Variants in BCL2L13 observed in about 807,000 individuals in gnomAD.
BCL2L13 encodes bcl-2-like protein 13.
Under a neutral mutation model 25.8 loss-of-function variants are expected in BCL2L13, and 13 were observed. That is an observed-to-expected ratio of 0.50 (90% CI 0.33 to 0.80). BCL2L13 has a LOEUF of 0.80. Ranked by LOEUF, BCL2L13 falls within the 30% of genes least tolerant of loss-of-function variation. BCL2L13 has a pLI of 0.02. For synonymous variants in BCL2L13, 244 were observed against 230.3 expected, an observed-to-expected ratio of 1.06 and a Z score of -0.54; for missense variants, 504 against 574.9, an observed-to-expected ratio of 0.88 and a Z score of 1.26.
In BCL2L13 at chr22:17,727,534, G is replaced by C; in HGVS notation, c.1458G>C (p.Ter486TyrextTer21). Residue 486 changes from the stop codon to tyrosine, a stop_lost, in exon 7 of 7, where the codon TAG becomes TAC. Coordinates refer to ENST00000317582, the MANE Select transcript of BCL2L13 (RefSeq NM_015367.4). Reference sequence around the variant, plus strand: ...TAGCCCTGGCTCTGAGAAAGAAATAGGAGGCTTTTCAGAAGAGAAAGACAG... The same window carrying C: ...TAGCCCTGGCTCTGAGAAAGAAATACGAGGCTTTTCAGAAGAGAAAGACAG... ...IGVALALRKK[*>Y] is the part of the protein sequence containing the mutation. The C allele has an allele frequency of 6.2e-7, 1 of 1,613,532 alleles. No individual in the cohort carries two copies. The highest frequency in any genetic ancestry group is 8.5e-7 in the Non-Finnish European group (1 of 1,179,586).
At chr22:17,687,064 G>A (rs1399499724) in intron 3 of BCL2L13, among the ~76,000 whole-genome samples, 1 of 152,106 alleles carries the variant, frequency 6.6e-6, no homozygotes, top group Non-Finnish European at 1.5e-5. Context: ...TCGGAGGCAA[G>A]CACTTTATAA....
chr22:17,710,895 A>T (rs975801647), intron 6 of BCL2L13, among the ~76,000 whole-genome samples: 2 of 152,078 alleles, frequency 1.3e-5, no homozygotes, highest in African/African-American at 2.4e-5. Context: ...TAAAAATAAA[A>T]AAAAATAAAT....
chr22:17,664,376 G>A (rs1181763592), intron 2 of BCL2L13, among the ~76,000 whole-genome samples: 1 of 151,768 alleles, frequency 6.6e-6, no homozygotes, highest in Non-Finnish European at 1.5e-5. Flanking sequence ...CCATGGCCTT[G>A]GAGAGCTCCA....
chr22:17,668,861 A>G (rs1289716967), intron 2 of BCL2L13, among the ~76,000 whole-genome samples: 2 of 152,240 alleles, frequency 1.3e-5, no homozygotes, highest in East Asian at 3.9e-4. Flanking sequence ...CCTCAAATTC[A>G]TATTGTAACT....
At chr22:17,641,960 C>T (rs900488036) in intron 1 of BCL2L13, among the ~76,000 whole-genome samples, 127 of 151,590 alleles carry the variant, frequency 8.4e-4, no homozygotes, top group African/African-American at 2.7e-3. Flanking sequence ...CCACCACGCC[C>T]GGCTGATTTT....
chr22:17,704,296 G>C (rs2060526248), intron 6 of BCL2L13, among the ~76,000 whole-genome samples: 1 of 151,950 alleles, frequency 6.6e-6, no homozygotes, highest in Admixed American at 6.6e-5. Context: ...ATGTTGGCAG[G>C]CTGGTCTCAA....
intron 1 of BCL2L13, among the ~76,000 whole-genome samples, chr22:17,644,484 A>T (rs1741082752): frequency 6.7e-6 from 1 of 150,302 alleles, no homozygotes; most frequent in Admixed American, 6.6e-5. Context: ...AGTGCGTGCC[A>T]CCACGCCCAG....
chr22:17,715,295 C>CCT, intron 6 of BCL2L13, among the ~76,000 whole-genome samples: 1 of 146,022 alleles, frequency 6.8e-6, no homozygotes, highest in Non-Finnish European at 1.5e-5. Context: ...AATCCTCCTA[C>CCT]CTCAGCCTCC....
chr22:17,709,797 G>A (rs1048429704), intron 6 of BCL2L13, among the ~76,000 whole-genome samples: 3 of 151,890 alleles, frequency 2.0e-5, no homozygotes, highest in Non-Finnish European at 2.9e-5. Context: ...AACATTGACC[G>A]GGTGCAGTGG....
rs34181282 is a variant in BCL2L13, at chr22:17,630,586, C to CTT, written c.-650+1584_-650+1585dup. 4.0e-4 allele frequency among the ~76,000 whole-genome samples: 50 copies of CTT among 126,248 alleles called. 1 individual carries two copies. The highest frequency in any genetic ancestry group is 1.0e-3 in the African/African-American group (29 of 28,204). 82.8% of individuals were successfully genotyped at this position (126,248 alleles called of 152,430 possible). On this transcript the variant is annotated intron_variant, in intron 1 of 6. Coordinates refer to the BCL2L13 transcript ENST00000399782. ...AGCCACTGCACCCGGCCTTCTTTTT[C>CTT]TTTTCTTTTTTTTTTTTTTTTTGAG...
chr22:17,705,063 A>T (rs1489790366), intron 6 of BCL2L13, among the ~76,000 whole-genome samples: 1 of 151,714 alleles, frequency 6.6e-6, no homozygotes, highest in Non-Finnish European at 1.5e-5. Flanking sequence ...TAAATCTGGA[A>T]ATTTGATAGA....
chr22:17,717,379 T>TAAAAAAAAAAAAAAAAAAAAAAAA (rs1442846616), intron 6 of BCL2L13, among the ~76,000 whole-genome samples: 1 of 71,156 alleles, frequency 1.4e-5, no homozygotes, highest in Non-Finnish European at 3.2e-5. Flanking sequence ...AGACTCTGTC[T>TAAAAAAAAAAAAAAAAAAAAAAAA]CAAAAAAGAT....
intron 2 of BCL2L13, among the ~76,000 whole-genome samples, chr22:17,667,143 A>G (rs1362793793): frequency 1.3e-5 from 2 of 152,008 alleles, no homozygotes; most frequent in East Asian, 1.9e-4. Flanking sequence ...TTTTTTGGGT[A>G]TATACCTAGC....
In BCL2L13 at chr22:17,631,670, GTATATATATATATATA is replaced by G. The variant is rs1181793721; in HGVS notation, c.-650+2687_-650+2702del. On this transcript the variant is annotated intron_variant, in intron 1 of 6. Transcript: ENST00000399782. ...CGTGTGTGTATGTATGTGTGTGTGTGTATATATATATATATATATATATATATATATATATATTTTT... is the reference window on the plus strand; with the variant it reads ...CGTGTGTGTATGTATGTGTGTGTGTGTATATATATATATATATATATTTTT... Among the ~76,000 whole-genome samples, 156 of 26,854 alleles carry G rather than the reference GTATATATATATATATA, an allele frequency of 5.8e-3. 2 individuals are homozygous for G. Among genetic ancestry groups the G allele is most frequent in the Admixed American group, 0.045 (86 of 1,916 alleles). The allele number at this position is 26,854 out of a possible 152,430, so 17.6% of individuals were successfully genotyped here.
chr22:17,630,433 C>T (rs983468410), intron 1 of BCL2L13, among the ~76,000 whole-genome samples: 1 of 151,420 alleles, frequency 6.6e-6, no homozygotes, highest in Non-Finnish European at 1.5e-5. Context: ...GTGCCTGCCA[C>T]CATGCATGGC....
intron 1 of BCL2L13, among the ~76,000 whole-genome samples, chr22:17,642,316 A>G (rs1568917498): frequency 6.6e-6 from 1 of 151,456 alleles, no homozygotes; most frequent in African/African-American, 2.4e-5. Flanking sequence ...GTGCCACCAC[A>G]CCCAGCTAAT....
intron 5 of BCL2L13, among the ~76,000 whole-genome samples, chr22:17,698,393 G>T (rs1263971858): frequency 2.6e-5 from 4 of 151,910 alleles, no homozygotes; most frequent in Non-Finnish European, 4.4e-5. Context: ...GGGATTACAG[G>T]CATGAGCCAC....
chr22:17,676,542 T>A (rs2059580924), intron 2 of BCL2L13, among the ~76,000 whole-genome samples: 2 of 152,140 alleles, frequency 1.3e-5, no homozygotes. Flanking sequence ...AAGGCCTGAC[T>A]CCAAAGCTTA....
chr22:17,714,467 A>G (rs965183530), intron 6 of BCL2L13, among the ~76,000 whole-genome samples: 2 of 152,090 alleles, frequency 1.3e-5, no homozygotes, highest in Non-Finnish European at 2.9e-5. Flanking sequence ...AAAAAATGGT[A>G]GTTGTGAAGT....
Sources: allele counts gnomAD v4.1 joint callset (sites outside exome capture counted in the v4.1 genomes callset), GRCh38; gene constraint gnomAD v4.1.1; transcripts MANE v1.5; gene names NCBI Gene and HGNC (gene_info 2026-07-23, HGNC 2026-07-21).